The following SLC51A variants were observed in gnomAD, a reference collection of about 807,000 sequenced individuals.
SLC51A encodes the protein organic solute transporter subunit alpha.
In SLC51A, 22 loss-of-function variants were observed where a neutral mutation model predicts 34.8. The ratio of observed to expected loss-of-function variants is 0.63; its 90% CI spans 0.45 to 0.90. The LOEUF is 0.90. Among genes scored for constraint, SLC51A ranks in the 40% least tolerant of loss-of-function variants. The probability of loss-of-function intolerance (pLI) is 0.00; values close to 1 mark genes in which losing one functional copy is unlikely to be tolerated. For missense variants in SLC51A, 371 were observed against 414.8 expected, an observed-to-expected ratio of 0.89 and a Z score of 0.92; for synonymous variants, 181 against 176.3, an observed-to-expected ratio of 1.03 and a Z score of -0.21.
chr3:196,228,733 C>A lies in SLC51A; in HGVS notation c.522-76C>A. 1 of 1,226,706 alleles carries A rather than the reference C, an allele frequency of 8.2e-7. No homozygotes were observed. The allele number at this position is 1,226,706 out of a possible 1,614,324, so 76.0% of individuals were successfully genotyped here. A position where few individuals can be genotyped will look rare whatever the true frequency, so the allele number is the denominator to read the frequency against. Reference sequence around the variant, plus strand: ...CAGCAGCCGAGCCTCAGCCCAGGAGCCCTGTGAGGAGCCGGGGCGTCTTCC... The same window carrying A: ...CAGCAGCCGAGCCTCAGCCCAGGAGACCTGTGAGGAGCCGGGGCGTCTTCC... On this transcript the variant is annotated intron_variant, in intron 5 of 8. Transcript: ENST00000296327. The surrounding 1 kb of genome is among the most constrained non-coding windows in gnomAD (Gnocchi z 4.9).
At chr3:196,221,747 G>C (rs142969419) in intron 2 of SLC51A, among the ~76,000 whole-genome samples, 3,109 of 150,382 alleles carry the variant, frequency 0.021, 118 homozygotes, top group African/African-American at 0.07. Flanking sequence ...ACAGAGTCTC[G>C]CTCTGTCCCC....
intron 3 of SLC51A, 167 bp from the exon 4 acceptor site, chr3:196,227,497 C>T: frequency 1.5e-6 from 1 of 645,540 alleles, no homozygotes. Flanking sequence ...CACCCTCCCA[C>T]AGGTCCTTGG....
chr3:196,219,835 C>T (rs1194028096), intron 2 of SLC51A, among the ~76,000 whole-genome samples: 2 of 152,246 alleles, frequency 1.3e-5, no homozygotes, highest in Admixed American at 6.5e-5. Context: ...ATTATTCAGG[C>T]CAAAGTGTCA....
At chr3:196,223,820 G>T in intron 2 of SLC51A, 1 of 412,326 alleles carries the variant, frequency 2.4e-6, no homozygotes, top group South Asian at 1.7e-5. Flanking sequence ...AGACAGGCAC[G>T]GCAAATATCT....
At chr3:196,223,999 C>A in intron 2 of SLC51A, 1 of 313,832 alleles carries the variant, frequency 3.2e-6, no homozygotes. Flanking sequence ...GGTGGGATTA[C>A]AGGTACTCGC....
intron 2 of SLC51A, among the ~76,000 whole-genome samples, chr3:196,225,963 T>C (rs1723880421): frequency 6.6e-6 from 1 of 152,218 alleles, no homozygotes; most frequent in Admixed American, 6.5e-5. Flanking sequence ...AGACCAAGCA[T>C]GAGGCCAGCG....
At chr3:196,220,570 C>T (rs2108753450) in intron 2 of SLC51A, among the ~76,000 whole-genome samples, 1 of 152,264 alleles carries the variant, frequency 6.6e-6, no homozygotes, top group East Asian at 1.9e-4. Flanking sequence ...GCACTCCAGC[C>T]TGGGTGACAG....
intron 2 of SLC51A, among the ~76,000 whole-genome samples, chr3:196,221,815 A>G (rs933666845): frequency 6.6e-6 from 1 of 151,202 alleles, no homozygotes; most frequent in East Asian, 1.9e-4. Flanking sequence ...TCCCAGGTTC[A>G]CGCCATTCTC....
At chr3:196,221,775 G>C (rs867550221) in intron 2 of SLC51A, among the ~76,000 whole-genome samples, 4 of 151,540 alleles carry the variant, frequency 2.6e-5, no homozygotes, top group Admixed American at 6.6e-5. Flanking sequence ...GAGTGCAGTG[G>C]TGTGATCTCA....
rs770303408 is a variant in SLC51A, at chr3:196,230,026, G to A, written c.745G>A (p.Glu249Lys). Residue 249 changes from glutamate to lysine, a missense_variant, in exon 7 of 9, where the codon GAG becomes AAG. Transcript: ENST00000296327. ...ISRQARLHLG[E>K]QNMGAKFALF... The stretch of plus-strand genomic sequence containing the variant: ...CCGTCAAGCCAGGCTACACCTGGGT[G>A]AGCAGAACATGGGAGCCAAATTTGC... 1 of 1,613,756 alleles carries A rather than the reference G, an allele frequency of 6.2e-7. No homozygotes were observed. The highest frequency in any genetic ancestry group is 8.5e-7 in the Non-Finnish European group (1 of 1,179,820).
intron 8 of SLC51A, 152 bp from the exon 9 acceptor site, chr3:196,232,911 C>T (rs969782785): frequency 1.4e-5 from 11 of 784,134 alleles, no homozygotes; most frequent in South Asian, 1.0e-4. Flanking sequence ...ACCATTAACC[C>T]GCTGTGTTAT....
At position 196,233,199 on chromosome 3, in the gene SLC51A, AG is replaced by A; in HGVS notation, c.*2del. ...ACCTGGACTTGAACCTCAAAGCCTA[AG>A]GTGGATGGCTTGGACAATGAAAGGA... On this transcript the variant is annotated 3_prime_UTR_variant, in exon 9 of 9. Coordinates refer to ENST00000296327, the MANE Select transcript of SLC51A (RefSeq NM_152672.6). 6.2e-7 allele frequency: 1 copy of A among 1,614,186 alleles called. No homozygotes were observed. The highest frequency in any genetic ancestry group is 8.5e-7 in the Non-Finnish European group (1 of 1,180,016).
Position 196,228,936 on chromosome 3 carries a change from G to A in SLC51A, c.633+16G>A, listed in dbSNP as rs1294285622. The A allele has an allele frequency of 1.9e-6, 3 of 1,582,602 alleles. No homozygotes were observed. Among genetic ancestry groups the A allele is most frequent in the Non-Finnish European group, 2.6e-6 (3 of 1,151,118 alleles). Reference sequence around the variant, plus strand: ...CCCAGCAGACGTAAGCCGGGAGTAAGGGACAGCACAGTCCAAGACTCATTT... The same window carrying A: ...CCCAGCAGACGTAAGCCGGGAGTAAAGGACAGCACAGTCCAAGACTCATTT... On this transcript the variant is annotated intron_variant, in intron 6 of 8. Coordinates refer to ENST00000296327, the MANE Select transcript of SLC51A (RefSeq NM_152672.6). The surrounding 1 kb of genome is among the most constrained non-coding windows in gnomAD (Gnocchi z 4.9).
At chr3:196,226,379 A>C (rs901120379) in intron 2 of SLC51A, 2 of 152,116 alleles carry the variant, frequency 1.3e-5, no homozygotes, top group African/African-American at 4.8e-5. Context: ...ATTTTGGTGA[A>C]ATCAACTTAA....
At position 196,233,155 on chromosome 3, in the gene SLC51A, G is replaced by T. The variant is rs1418766129; in HGVS notation, c.979G>T (p.Glu327Ter). The change falls in exon 9 of 9, where the codon GAA (glutamate) becomes TAA (stop). Residue 327 changes from glutamate to a stop codon, truncating the protein, a stop_gained. Coordinates refer to ENST00000296327, the MANE Select transcript of SLC51A (RefSeq NM_152672.6). LOFTEE classifies it high-confidence loss of function. ...YRRKDHKVGY[E>*]TFSSPDLDLN... ...AAGGAAAGACCACAAGGTTGGGTATGAAACTTTCTCTTCTCCAGACCTGGA... is the reference window on the plus strand; with the variant it reads ...AAGGAAAGACCACAAGGTTGGGTATTAAACTTTCTCTTCTCCAGACCTGGA... 6.2e-7 allele frequency: 1 copy of T among 1,614,240 alleles called. No homozygotes were observed. Among genetic ancestry groups the T allele is most frequent in the South Asian group, 1.1e-5 (1 of 91,086 alleles).
chr3:196,219,607 G>A (rs1273366171), intron 2 of SLC51A, among the ~76,000 whole-genome samples: 1 of 152,084 alleles, frequency 6.6e-6, no homozygotes, highest in Non-Finnish European at 1.5e-5. Flanking sequence ...GTGGCAGTAG[G>A]TGGCTGCTAC....
intron 7 of SLC51A, among the ~76,000 whole-genome samples, chr3:196,231,074 AG>A (rs1724020200): frequency 6.6e-6 from 1 of 152,216 alleles, no homozygotes; most frequent in African/African-American, 2.4e-5. Flanking sequence ...CATTAGCTAC[AG>A]GACCTACCTA....
At chr3:196,227,309 A>G (rs1723922723) in intron 3 of SLC51A, 190 bp downstream of exon 3, 1 of 631,376 alleles carries the variant, frequency 1.6e-6, no homozygotes, top group Non-Finnish European at 2.7e-6. Flanking sequence ...CAGTGTTTGC[A>G]TTCTAAGGGC....
Position 196,217,564 on chromosome 3 carries a change from AAAGG to A in SLC51A, c.39-259_39-256del, listed in dbSNP as rs71161913. Among the ~76,000 whole-genome samples the A allele has an allele frequency of 1.8e-3, 269 of 149,192 alleles. 2 individuals carry two copies. Among genetic ancestry groups the A allele is most frequent in the Non-Finnish European group, 3.0e-3 (203 of 67,432 alleles). On this transcript the variant is annotated intron_variant, in intron 1 of 8. Transcript: ENST00000296327. Reference sequence around the variant, plus strand: ...CTCAAAAAGAAAAAAAAAGAAAGAAAAAGGAAGGAAGGAAGGAAGGAAAGAGAAG... The same window carrying A: ...CTCAAAAAGAAAAAAAAAGAAAGAAAAAGGAAGGAAGGAAGGAAAGAGAAG...
Sources: allele counts gnomAD v4.1 joint callset (sites outside exome capture counted in the v4.1 genomes callset), GRCh38; gene constraint gnomAD v4.1.1; non-coding constraint Gnocchi (gnomAD v3.1); transcripts MANE v1.5; gene names NCBI Gene and HGNC (gene_info 2026-07-23, HGNC 2026-07-21).